Variants in POLR2F observed in about 807,000 individuals in gnomAD.
The protein encoded by POLR2F is RNA polymerase II, I and III subunit F.
In POLR2F, 12 loss-of-function variants were observed where a neutral mutation model predicts 22.7. The ratio of observed to expected loss-of-function variants is 0.53; its 90% CI spans 0.34 to 0.86. The LOEUF (loss-of-function observed/expected upper bound fraction) is 0.86, where lower values mean the gene tolerates loss of function less well. POLR2F is among the 40% of genes least tolerant of loss of function. The pLI, the probability that POLR2F is intolerant of heterozygous loss-of-function variation, is 0.02. For missense variants in POLR2F, 126 were observed against 171.5 expected (o/e 0.73, Z 1.48); for synonymous variants, 57 against 66.0 (o/e 0.86, Z 0.66).
chr22:38,022,495 G>C (rs906038225), intron 1 of POLR2F, among the ~76,000 whole-genome samples: 11 of 145,686 alleles, frequency 7.6e-5, no homozygotes, highest in Non-Finnish European at 1.2e-4. Flanking sequence ...AGGTTGCAGT[G>C]ACCCGAGATT....
intron 3 of POLR2F, among the ~76,000 whole-genome samples, chr22:37,961,049 C>T (rs967171539): frequency 4.0e-5 from 6 of 151,358 alleles, no homozygotes; most frequent in East Asian, 1.9e-4. Context: ...TGGGGTTTCA[C>T]GGTGTTAGTC....
intron 1 of POLR2F, among the ~76,000 whole-genome samples, chr22:38,005,106 G>T (rs1244193236): frequency 6.6e-6 from 1 of 152,240 alleles, no homozygotes; most frequent in Non-Finnish European, 1.5e-5. Flanking sequence ...GCCATCTCTT[G>T]CTCCATACTG....
downstream of POLR2F, chr22:37,972,756 G>A (rs1486503842): frequency 1.3e-5 from 2 of 156,316 alleles, no homozygotes; most frequent in African/African-American, 2.4e-5. Context: ...CTTTCCTGGA[G>A]CCCCTGCCTC....
Position 37,997,449 on chromosome 22 carries a change from T to G in POLR2F, c.120+11137T>G, listed in dbSNP as rs181721850. On this transcript the variant is annotated intron_variant, in intron 1 of 2. Transcript: ENST00000333418. The surrounding 1 kb of genome is among the most constrained non-coding windows in gnomAD (Gnocchi z 4.4). The stretch of plus-strand genomic sequence containing the variant: ...CTCCAGCCCTGTCTCTGTCTCTCCC[T>G]GTTTTTCTCTCCCTGATGCGTTCTC... 9.5e-4 allele frequency among the ~76,000 whole-genome samples: 144 copies of G among 152,258 alleles called. No individual in the cohort carries two copies. Among genetic ancestry groups the G allele is most frequent in the African/African-American group, 3.3e-3 (137 of 41,544 alleles).
rs975029083 is a variant in POLR2F, at chr22:38,016,458, C to T, written c.121-9411C>T. ...GGGACCATTGTGTCCGAAGGGTTAA[C>T]GAGGGATGTGAGGAAGGGGCCCTTT... On this transcript the variant is annotated intron_variant, in intron 1 of 2. Transcript: ENST00000333418. This position sits in a 1 kb window ranked among gnomAD's most constrained non-coding sequence, Gnocchi z 4.4. Among the ~76,000 whole-genome samples the T allele has an allele frequency of 3.9e-5, 6 of 152,184 alleles. No individual in the cohort carries two copies. The highest frequency in any genetic ancestry group is 1.2e-4 in the African/African-American group (5 of 41,448).
At chr22:38,013,984 T>C (rs1275621578) in intron 1 of POLR2F, among the ~76,000 whole-genome samples, 4 of 151,894 alleles carry the variant, frequency 2.6e-5, no homozygotes, top group Admixed American at 2.6e-4. Context: ...TAGCCGGGCA[T>C]GATGGCGCAT....
chr22:37,959,307 C>T, intron 2 of POLR2F, 39 bp from the exon 3 acceptor site: 1 of 1,606,226 alleles, frequency 6.2e-7, no homozygotes, highest in Non-Finnish European at 8.5e-7. Context: ...CCCAAAAGTG[C>T]CACCTGAGTC....
intron 5 of POLR2F, chr22:38,040,943 A>G: frequency 6.7e-7 from 1 of 1,495,028 alleles, no homozygotes; most frequent in Non-Finnish European, 9.2e-7. Flanking sequence ...CAGCCAGAGG[A>G]GAGAGAATAA....
intron 1 of POLR2F, among the ~76,000 whole-genome samples, chr22:37,989,853 G>A (rs113965363): frequency 9.3e-4 from 141 of 152,310 alleles, no homozygotes; most frequent in African/African-American, 3.1e-3. Context: ...CTTTGGGCCT[G>A]CTCCACCTTC....
At chr22:37,964,686 C>T (rs1931786643) in intron 3 of POLR2F, among the ~76,000 whole-genome samples, 1 of 151,768 alleles carries the variant, frequency 6.6e-6, no homozygotes, top group African/African-American at 2.4e-5. Context: ...ATTCTCCAGC[C>T]TCAGCCTCCT....
At chr22:38,025,381 C>G (rs368076531) in intron 1 of POLR2F, among the ~76,000 whole-genome samples, 3 of 152,238 alleles carry the variant, frequency 2.0e-5, no homozygotes, top group African/African-American at 7.2e-5. Flanking sequence ...CACAGTCATA[C>G]ACAATCACAA....
intron 1 of POLR2F, among the ~76,000 whole-genome samples, chr22:38,002,194 G>A (rs2084777613): frequency 6.7e-6 from 1 of 150,106 alleles, no homozygotes; most frequent in Admixed American, 6.7e-5. Flanking sequence ...CTTGGACAAA[G>A]CATATCACTT....
upstream of POLR2F, chr22:37,983,294 T>C (rs555413847): frequency 1.3e-6 from 2 of 1,543,340 alleles, no homozygotes; most frequent in South Asian, 2.4e-5. This position sits in a 1 kb window ranked among gnomAD's most constrained non-coding sequence, Gnocchi z 9.5. Flanking sequence ...CCGGGCCGCC[T>C]CGGCTACCCT....
intron 1 of POLR2F, among the ~76,000 whole-genome samples, chr22:38,021,082 C>T (rs2084957116): frequency 2.6e-5 from 4 of 152,172 alleles, no homozygotes; most frequent in Admixed American, 1.3e-4. Context: ...GAGAGTCCCA[C>T]GTGGACCTTT....
downstream of POLR2F, chr22:37,973,703 G>A (rs1012102759): frequency 3.7e-6 from 6 of 1,607,882 alleles, no homozygotes; most frequent in Non-Finnish European, 4.3e-6. Flanking sequence ...GTCAAACTGG[G>A]GGCGGGAGAT....
chr22:37,979,279 G>A (rs905002781), intron 4 of POLR2F, among the ~76,000 whole-genome samples: 8 of 151,422 alleles, frequency 5.3e-5, no homozygotes, highest in Non-Finnish European at 1.0e-4. Context: ...TGTATTTTTA[G>A]TAGAGACGAG....
At chr22:38,027,813 C>A (rs1033495466), downstream of POLR2F, among the ~76,000 whole-genome samples, 5 of 152,188 alleles carry the variant, frequency 3.3e-5, no homozygotes, top group Non-Finnish European at 7.4e-5. Context: ...TAGGCAAGGA[C>A]ACTGGACACC....
intron 2 of POLR2F, 151 bp from the exon 3 acceptor site, chr22:37,959,195 T>G: frequency 6.7e-4 from 499 of 743,294 alleles, no homozygotes; most frequent in East Asian, 1.2e-3. Flanking sequence ...AAGGATTACA[T>G]GAGTTGTTAG....
rs1285586439 is a variant in POLR2F at position 37,953,714 on chromosome 22, C to G, written c.-74C>G. 1.3e-6 allele frequency: 2 copies of G among 1,548,684 alleles called. No individual in the cohort carries two copies. The highest frequency in any genetic ancestry group is 1.2e-5 in the South Asian group (1 of 85,268). ...GGCGCAAGATAAGCTAGGAGCCGCG[C>G]GAGTCGTAGTGTCGCTGTTTGCGGG... On this transcript the variant is annotated 5_prime_UTR_variant, in exon 1 of 5. Coordinates refer to ENST00000442738, the MANE Select transcript of POLR2F (RefSeq NM_021974.5).
Sources: allele counts gnomAD v4.1 joint callset (sites outside exome capture counted in the v4.1 genomes callset), GRCh38; gene constraint gnomAD v4.1.1; non-coding constraint Gnocchi (gnomAD v3.1); transcripts MANE v1.5; gene names NCBI Gene and HGNC (gene_info 2026-07-23, HGNC 2026-07-21).